The following MAGI1 variants were observed in gnomAD, a reference collection of about 807,000 sequenced individuals.
MAGI1 encodes membrane associated guanylate kinase, WW and PDZ domain containing 1, also known as membrane-associated guanylate kinase, WW and PDZ domain-containing protein 1.
A neutral mutation model predicts 139.9 loss-of-function variants in MAGI1; 58 were observed. That is an observed-to-expected ratio of 0.41 (90% CI 0.34 to 0.52). The LOEUF is 0.52. MAGI1 is among the 20% of genes least tolerant of loss of function. The pLI, the probability that MAGI1 is intolerant of heterozygous loss-of-function variation, is 0.12. For synonymous variants in MAGI1, 812 were observed against 737.9 expected (o/e 1.10, Z -1.63); for missense variants, 1,874 against 1,901.6 (o/e 0.99, Z 0.27).
At chr3:65,769,719 C>T (rs1294383378) in intron 1 of MAGI1, among the ~76,000 whole-genome samples, 1 of 152,140 alleles carries the variant, frequency 6.6e-6, no homozygotes, top group Non-Finnish European at 1.5e-5. Flanking sequence ...TGTCTCTGGA[C>T]ACCAAGGAAG....
intron 12 of MAGI1, 121 bp downstream of exon 12, chr3:65,429,399 T>A: frequency 9.6e-7 from 1 of 1,044,660 alleles, no homozygotes; most frequent in Non-Finnish European, 1.4e-6. Flanking sequence ...GAGAAATCAG[T>A]AGGCATTTTG....
chr3:65,841,026 T>C (rs754088586), intron 1 of MAGI1, among the ~76,000 whole-genome samples: 2 of 152,198 alleles, frequency 1.3e-5, no homozygotes, highest in Admixed American at 1.3e-4. Flanking sequence ...TTTCAAAAAA[T>C]TGGTCCATCT....
chr3:65,876,347 AC>A (rs111595949), intron 1 of MAGI1, among the ~76,000 whole-genome samples: 7 of 147,992 alleles, frequency 4.7e-5, no homozygotes, highest in Admixed American at 1.4e-4. Flanking sequence ...CCCACTCACC[AC>A]CCCCCCCAAA....
chr3:65,695,691 G>A (rs1422909232), intron 1 of MAGI1, among the ~76,000 whole-genome samples: 1 of 152,144 alleles, frequency 6.6e-6, no homozygotes, highest in Non-Finnish European at 1.5e-5. Context: ...ATAAGGCACT[G>A]GAAAGCCATT....
intron 1 of MAGI1, among the ~76,000 whole-genome samples, chr3:65,833,846 G>A (rs1270589972): frequency 6.6e-6 from 1 of 152,104 alleles, no homozygotes. Context: ...GAAGAGAGAG[G>A]GGCTAGATCT....
In MAGI1 at chr3:65,469,288, G is replaced by A. The variant is rs139568088; in HGVS notation, c.959+995C>T. ...ACAGTAGATCAGTTTCAATCTATAC[G>A]AGTATAACAGATGAATCTGTGGTAT... On this transcript the variant is annotated intron_variant, in intron 5 of 22. Transcript: ENST00000402939. 3.9e-5 allele frequency among the ~76,000 whole-genome samples: 6 copies of A among 152,088 alleles called. No individual in the cohort carries two copies. The East Asian group carries it at 7.7e-4, about 20-fold the overall frequency.
intron 1 of MAGI1, among the ~76,000 whole-genome samples, chr3:65,644,235 AT>A (rs1396551312): frequency 6.6e-6 from 1 of 152,156 alleles, no homozygotes; most frequent in Non-Finnish European, 1.5e-5. Context: ...AAATGTCCAG[AT>A]TTTAATTGAA....
intron 1 of MAGI1, among the ~76,000 whole-genome samples, chr3:65,818,072 C>T (rs60221972): frequency 8.6e-6 from 1 of 115,736 alleles, no homozygotes; most frequent in Non-Finnish European, 2.0e-5. Context: ...GTGTGTGTCT[C>T]TCTCTTTGAC....
rs189577637 is a variant in MAGI1, at chr3:65,879,608, T to A, written c.313+158388A>T. On this transcript the variant is annotated intron_variant, in intron 1 of 22. Coordinates refer to ENST00000402939, the MANE Select transcript of MAGI1 (RefSeq NM_001033057.2). ...TCTCAGGCAAAGTTCTTAACCTCTC[T>A]GTGCTCAGAATCATCTGTAAACTGG... Among the ~76,000 whole-genome samples the A allele has an allele frequency of 2.6e-5, 4 of 152,294 alleles. No homozygotes were observed. In the East Asian group the frequency reaches 7.7e-4, roughly 29 times the overall value.
intron 18 of MAGI1, 44 bp downstream of exon 18, chr3:65,375,701 A>G (rs751781111): frequency 7.1e-7 from 1 of 1,407,156 alleles, no homozygotes; most frequent in Admixed American, 1.7e-5. Context: ...AGACAGAGAG[A>G]GAGAAAAAGA....
chr3:65,970,757 G>A (rs1000181294), intron 1 of MAGI1, among the ~76,000 whole-genome samples: 4 of 152,150 alleles, frequency 2.6e-5, no homozygotes, highest in Non-Finnish European at 4.4e-5. Context: ...AGGGAAGTTT[G>A]TTACACAGCA....
At chr3:65,894,689 T>G (rs1188090273) in intron 1 of MAGI1, among the ~76,000 whole-genome samples, 1 of 152,108 alleles carries the variant, frequency 6.6e-6, no homozygotes, top group East Asian at 1.9e-4. Flanking sequence ...ACCATCCAAT[T>G]AAGTCTAAAT....
At chr3:65,944,798 G>T (rs2063477842) in intron 1 of MAGI1, among the ~76,000 whole-genome samples, 1 of 152,156 alleles carries the variant, frequency 6.6e-6, no homozygotes, top group Non-Finnish European at 1.5e-5. Context: ...ACAGAATAAG[G>T]GAAGATAGTT....
At chr3:65,370,641 T>A (rs1019338079) in intron 18 of MAGI1, among the ~76,000 whole-genome samples, 1 of 152,150 alleles carries the variant, frequency 6.6e-6, no homozygotes, top group Admixed American at 6.5e-5. Context: ...CCAGGGTATT[T>A]TATTTTGTTT....
At chr3:65,372,295 A>G (rs145834419) in intron 18 of MAGI1, among the ~76,000 whole-genome samples, 45 of 152,350 alleles carry the variant, frequency 3.0e-4, no homozygotes, top group African/African-American at 1.1e-3. Flanking sequence ...TTGGGTGACC[A>G]GGTGTATTGT....
At chr3:65,689,423 T>G (rs934913958) in intron 1 of MAGI1, among the ~76,000 whole-genome samples, 1 of 151,456 alleles carries the variant, frequency 6.6e-6, no homozygotes, top group African/African-American at 2.4e-5. Context: ...TCTTCTTTCC[T>G]AAACCTACAT....
chr3:65,581,269 G>A (rs1016360436), intron 2 of MAGI1, among the ~76,000 whole-genome samples: 5 of 152,104 alleles, frequency 3.3e-5, no homozygotes, highest in East Asian at 1.9e-4. Flanking sequence ...ATGTAGTGAC[G>A]ATATGACTTG....
chr3:65,356,645 CAGAGACCGTCTCCGCCGGCTG>C lies in MAGI1; in HGVS notation c.4101_4121del (p.Ser1368_Leu1374del). ...ACCTCCTCTGCTCCAGGAGTCTCTC[CAGAGACCGTCTCCGCCGGCTG>C]GGGGAGCCGTCTCTCCTGCGGGTGG... is the stretch of plus-strand genomic sequence containing the variant. On this transcript the variant is annotated inframe_deletion, in exon 23 of 23. Transcript: ENST00000402939. The C allele has an allele frequency of 6.3e-7, 1 of 1,586,554 alleles. No homozygotes were observed. Among genetic ancestry groups the C allele is most frequent in the Non-Finnish European group, 8.6e-7 (1 of 1,167,938 alleles).
At chr3:65,931,235 G>A (rs1469504093) in intron 1 of MAGI1, among the ~76,000 whole-genome samples, 2 of 152,110 alleles carry the variant, frequency 1.3e-5, no homozygotes, top group Non-Finnish European at 1.5e-5. Context: ...AGGTTTCACT[G>A]TGTTAGCCAG....
Sources: gnomAD v4.1 joint callset for allele counts (sites outside exome capture counted in the v4.1 genomes callset) on GRCh38, gnomAD v4.1.1 for gene constraint, MANE v1.5 for transcripts, NCBI Gene and HGNC (gene_info 2026-07-23, HGNC 2026-07-21) for gene names.